IL13RA1: variants seen among roughly 807,000 people sequenced by gnomAD.
IL13RA1 encodes the protein interleukin-13 receptor subunit alpha-1.
In IL13RA1, 14 loss-of-function variants were observed where a neutral mutation model predicts 33.8. The ratio of observed to expected loss-of-function variants is 0.41; its 90% CI spans 0.27 to 0.65. The LOEUF is 0.65. IL13RA1 is among the 30% of genes least tolerant of loss of function. IL13RA1 has a pLI of 0.28. For synonymous variants in IL13RA1, 116 were observed against 115.7 expected (o/e 1.00, Z -0.02); for missense variants, 313 against 327.0 (o/e 0.96, Z 0.33).
At chrX:118,774,659 G>A (rs1317105263) in intron 9 of IL13RA1, among the ~76,000 whole-genome samples, 3 of 112,154 alleles carry the variant, frequency 2.7e-5, no homozygotes, top group Non-Finnish European at 5.6e-5. Context: ...GACTTGTCTG[G>A]TATTAATGCA....
At chrX:118,735,009 T>G (rs2017265678) in intron 1 of IL13RA1, among the ~76,000 whole-genome samples, 1 of 111,294 alleles carries the variant, frequency 9.0e-6, no homozygotes, top group Non-Finnish European at 1.9e-5. Context: ...GATTTAGTTT[T>G]GGTGGTTTTG....
chrX:118,759,674 G>C (rs185029702), intron 5 of IL13RA1, among the ~76,000 whole-genome samples: 67 of 112,575 alleles, frequency 6.0e-4, no homozygotes, highest in African/African-American at 1.9e-3. Flanking sequence ...ATATCTTCAA[G>C]TTGTTTTCTG....
intron 10 of IL13RA1, among the ~76,000 whole-genome samples, chrX:118,786,654 A>G (rs1406096557): frequency 8.9e-6 from 1 of 112,066 alleles, no homozygotes; most frequent in Non-Finnish European, 1.9e-5. Flanking sequence ...AATGAATTAC[A>G]TTCTGAAATC....
In IL13RA1 at chrX:118,794,487, C is replaced by CT. The variant is rs2018011660; in HGVS notation, c.*2635dup. 8.9e-6 allele frequency: 1 copy of CT among 112,431 alleles called. No homozygotes were observed. The highest frequency in any genetic ancestry group is 9.4e-5 in the Admixed American group (1 of 10,591). The allele number at this position is 112,431 out of a possible 1,213,427, so 9.3% of individuals were successfully genotyped here. ...ACCAGGGATTGTTTCTGTTTAACTT[C>CT]TTATAGGAAAGCTTGAGTAAAATAA... is the stretch of plus-strand genomic sequence containing the variant. On this transcript the variant is annotated 3_prime_UTR_variant, in exon 11 of 11. Coordinates refer to ENST00000371666, the MANE Select transcript of IL13RA1 (RefSeq NM_001560.3).
intron 6 of IL13RA1, among the ~76,000 whole-genome samples, chrX:118,761,935 G>A (rs1030865410): frequency 8.9e-6 from 1 of 112,188 alleles, no homozygotes; most frequent in African/African-American, 3.2e-5. Flanking sequence ...AATGTAGCAG[G>A]AAAAGATGTC....
In IL13RA1 at chrX:118,736,626, A is replaced by G. The variant is rs752490622; in HGVS notation, c.89-4391A>G. 2.7e-5 allele frequency among the ~76,000 whole-genome samples: 3 copies of G among 110,914 alleles called. No individual in the cohort carries two copies. The South Asian group carries it at 1.1e-3, about 42-fold the overall frequency. On this transcript the variant is annotated intron_variant, in intron 1 of 10. Transcript: ENST00000371666. ...TTCATTTTGTTTTGTTTTGTTTTTG[A>G]GACCTAGTCTCGCTCTGTTGCCCAG...
At chrX:118,778,068 A>C (rs746674487) in intron 10 of IL13RA1, among the ~76,000 whole-genome samples, 2 of 111,816 alleles carry the variant, frequency 1.8e-5, no homozygotes, top group East Asian at 5.6e-4. Context: ...CCTGCCTCAT[A>C]GTGTTGTTAT....
At chrX:118,784,138 T>TGTATATATATACACAC (rs1556373151) in intron 10 of IL13RA1, among the ~76,000 whole-genome samples, 5 of 63,119 alleles carry the variant, frequency 7.9e-5, no homozygotes, top group Non-Finnish European at 1.0e-4. Flanking sequence ...TGTATATATA[T>TGTATATATATACACAC]ATATATATAC....
In IL13RA1 at chrX:118,779,250, A is replaced by G. The variant is rs1441314154; in HGVS notation, c.1191+2739A>G. Among the ~76,000 whole-genome samples, 4 of 111,792 alleles carry G rather than the reference A, an allele frequency of 3.6e-5. No individual in the cohort carries two copies. The Admixed American group carries it at 3.8e-4, about 11-fold the overall frequency. On this transcript the variant is annotated intron_variant, in intron 10 of 10. Transcript: ENST00000371666. ...AAATGTAACAGGAATCTTTGAGCCT[A>G]TGATTATACTTTTAGGAACCAATTT...
At chrX:118,733,463 C>A (rs2017245732) in intron 1 of IL13RA1, among the ~76,000 whole-genome samples, 1 of 111,338 alleles carries the variant, frequency 9.0e-6, no homozygotes, top group Admixed American at 9.6e-5. Context: ...TAAGCCTTTG[C>A]CTATTTCTGA....
At chrX:118,751,324 T>C (rs1487042276) in intron 4 of IL13RA1, among the ~76,000 whole-genome samples, 1 of 112,352 alleles carries the variant, frequency 8.9e-6, no homozygotes, top group African/African-American at 3.2e-5. Context: ...TAGAACACTT[T>C]GTGGATAAAC....
chrX:118,747,034 C>T lies in IL13RA1; in HGVS notation c.309C>T (p.Ser103=). ...GTCTGCAAGTGGGGTCCCAGTGTAG[C>T]ACCAATGAGAGTGAGAAGCCTAGCA... is the stretch of plus-strand genomic sequence containing the variant. ...RICLQVGSQC[S]TNESEKPSIL... is the part of the protein sequence containing the mutation. Residue 103 remains serine (S), a synonymous_variant, in exon 3 of 11, where the codon AGC becomes AGT. Transcript: ENST00000371666. 1.7e-6 allele frequency: 2 copies of T among 1,162,368 alleles called. No homozygotes were observed. Among genetic ancestry groups the T allele is most frequent in the Middle Eastern group, 2.4e-4 (1 of 4,226 alleles).
Position 118,749,700 on chromosome X carries a change from A to G in IL13RA1, c.410A>G (p.His137Arg), listed in dbSNP as rs778996674. The change falls in exon 4 of 11, where the codon CAC (histidine) becomes CGC (arginine). Residue 137 changes from histidine (H) to arginine (R), a missense_variant. Coordinates refer to ENST00000371666, the MANE Select transcript of IL13RA1 (RefSeq NM_001560.3). ...SAVTELQCIW[H>R]NLSYMKCSWL... ...GTGACTGAGCTTCAATGCATTTGGCACAACCTGAGCTACATGAAGTGTTCT... is the reference window on the plus strand; with the variant it reads ...GTGACTGAGCTTCAATGCATTTGGCGCAACCTGAGCTACATGAAGTGTTCT... The G allele has an allele frequency of 1.7e-6, 2 of 1,195,346 alleles. No homozygotes were observed. Among genetic ancestry groups the G allele is most frequent in the South Asian group, 3.5e-5 (2 of 56,602 alleles).
chrX:118,744,584 G>T (rs2017383140), intron 2 of IL13RA1, among the ~76,000 whole-genome samples: 1 of 110,806 alleles, frequency 9.0e-6, no homozygotes, highest in Non-Finnish European at 1.9e-5. Flanking sequence ...TGTATTTTTA[G>T]TGGAGACAGT....
At chrX:118,796,630 C>T (rs1458171539), downstream of IL13RA1, among the ~76,000 whole-genome samples, 1 of 111,576 alleles carries the variant, frequency 9.0e-6, no homozygotes, top group Non-Finnish European at 1.9e-5. Flanking sequence ...CTCTGCCTCC[C>T]GGGTTCAAGG....
chrX:118,740,166 A>G (rs756269678), intron 1 of IL13RA1, among the ~76,000 whole-genome samples: 11 of 111,464 alleles, frequency 9.9e-5, no homozygotes, highest in African/African-American at 2.9e-4. Context: ...GGATTTTGCT[A>G]TGTTGCCGGG....
At chrX:118,768,042 A>G (rs188715635) in intron 8 of IL13RA1, among the ~76,000 whole-genome samples, 45 of 111,906 alleles carry the variant, frequency 4.0e-4, no homozygotes, top group Admixed American at 4.0e-3. Flanking sequence ...AACTTTGAGG[A>G]GTCATGATTG....
chrX:118,776,800 C>CA (rs2017790140), intron 10 of IL13RA1, among the ~76,000 whole-genome samples: 1 of 106,792 alleles, frequency 9.4e-6, no homozygotes, highest in Non-Finnish European at 1.9e-5. Context: ...CTCATTTCCA[C>CA]AAAATATATA....
intron 4 of IL13RA1, among the ~76,000 whole-genome samples, chrX:118,757,401 G>A (rs556175819): frequency 9.3e-6 from 1 of 107,913 alleles, no homozygotes; most frequent in East Asian, 3.0e-4. Context: ...GTAGTAGTGT[G>A]TGCCTGTAAT....
Sources: allele counts gnomAD v4.1 joint callset (sites outside exome capture counted in the v4.1 genomes callset), GRCh38; gene constraint gnomAD v4.1.1; transcripts MANE v1.5; gene names NCBI Gene and HGNC (gene_info 2026-07-23, HGNC 2026-07-21).